Variants in PSMD9 observed in about 807,000 individuals in gnomAD.
PSMD9 encodes 26S proteasome non-ATPase regulatory subunit 9.
In PSMD9, 26 loss-of-function variants were observed where a neutral mutation model predicts 25.9. The ratio of observed to expected loss-of-function variants is 1.00; its 90% confidence interval spans 0.73 to 1.39. The LOEUF (loss-of-function observed/expected upper bound fraction) is 1.39, where lower values mean the gene tolerates loss of function less well. Ranked by LOEUF, PSMD9 falls within the 40% of genes most tolerant of loss-of-function variation. The pLI is 0.00. For missense variants in PSMD9, 303 were observed against 299.3 expected, an observed-to-expected ratio of 1.01 and a Z score of -0.09; for synonymous variants, 110 against 114.5, an observed-to-expected ratio of 0.96 and a Z score of 0.25.
intron 4 of PSMD9, chr12:121,914,718 G>T (rs1052824102): frequency 2.0e-5 from 3 of 151,840 alleles, no homozygotes; most frequent in African/African-American, 4.8e-5. Flanking sequence ...GCTGAGCATG[G>T]TGCTGCATGC....
intron 4 of PSMD9, among the ~76,000 whole-genome samples, chr12:121,904,647 T>TATTATTATTATTATTATG (rs1312108084): frequency 2.4e-4 from 20 of 82,836 alleles, no homozygotes; most frequent in Non-Finnish European, 5.0e-4. Context: ...AATTTATTAT[T>TATTATTATTATTATTATG]ATTATTATTA....
chr12:121,890,595 G>GTAGC (rs1366347714), intron 1 of PSMD9, among the ~76,000 whole-genome samples: 1 of 152,068 alleles, frequency 6.6e-6, no homozygotes, highest in Non-Finnish European at 1.5e-5. Context: ...AGCCTCCCAA[G>GTAGC]TAGCTGAGAC....
At chr12:121,889,604 C>A (rs918462711) in intron 1 of PSMD9, among the ~76,000 whole-genome samples, 1 of 152,160 alleles carries the variant, frequency 6.6e-6, no homozygotes, top group African/African-American at 2.4e-5. Context: ...TTGTTTGAGG[C>A]AAGGGAGCAG....
chr12:121,906,337 A>C (rs1879553055), intron 4 of PSMD9, among the ~76,000 whole-genome samples: 1 of 152,032 alleles, frequency 6.6e-6, no homozygotes, highest in African/African-American at 2.4e-5. Flanking sequence ...CAGCTGGAGA[A>C]TCAAGAATCC....
At chr12:121,902,738 G>C (rs1319767687) in intron 3 of PSMD9, 1 of 411,016 alleles carries the variant, frequency 2.4e-6, no homozygotes, top group Non-Finnish European at 4.6e-6. Flanking sequence ...GGCCTTCACA[G>C]TGTCTGGTAA....
At chr12:121,902,776 C>G in intron 3 of PSMD9, 1 of 475,480 alleles carries the variant, frequency 2.1e-6, no homozygotes, top group Non-Finnish European at 3.9e-6. Context: ...TTGGGCAGAC[C>G]TGGTCATCTT....
intron 4 of PSMD9, among the ~76,000 whole-genome samples, chr12:121,903,752 CTT>C (rs11300031): frequency 2.7e-3 from 337 of 123,482 alleles, no homozygotes; most frequent in East Asian, 5.7e-3. Context: ...GAGATCTTTT[CTT>C]TTTTTTTTTT....
chr12:121,903,487 C>T (rs888182094), intron 4 of PSMD9, among the ~76,000 whole-genome samples: 2 of 152,184 alleles, frequency 1.3e-5, no homozygotes, highest in South Asian at 2.1e-4. Context: ...TCATAGCACT[C>T]GGCCTCTGGT....
At chr12:121,894,080 C>T (rs895199657) in intron 1 of PSMD9, 2 of 152,026 alleles carry the variant, frequency 1.3e-5, no homozygotes, top group East Asian at 3.9e-4. Flanking sequence ...ATTGCAAAGC[C>T]CCTCCCCTGA....
intron 1 of PSMD9, among the ~76,000 whole-genome samples, chr12:121,891,297 T>A (rs1443576585): frequency 2.9e-5 from 3 of 104,164 alleles, no homozygotes; most frequent in Non-Finnish European, 2.0e-5. Flanking sequence ...TGCTGTCTCT[T>A]TAAAAAAAAA....
chr12:121,916,098 A>T, intron 5 of PSMD9, 154 bp downstream of exon 5: 1 of 1,156,634 alleles, frequency 8.6e-7, no homozygotes, highest in Non-Finnish European at 1.3e-6. Flanking sequence ...TAGGAACGAG[A>T]CTACAGCTCT....
intron 1 of PSMD9, among the ~76,000 whole-genome samples, chr12:121,891,409 G>T (rs1879072565): frequency 6.7e-6 from 1 of 149,974 alleles, no homozygotes. Flanking sequence ...GACCATCCTG[G>T]CTAACACAGT....
rs145963867 is a variant in PSMD9 at position 121,899,812 on chromosome 12, C to G, written c.420C>G (p.Asn140Lys). 7.9e-4 allele frequency: 1,273 copies of G among 1,614,056 alleles called. 14 individuals carry two copies. In the East Asian group the frequency reaches 0.026, roughly 33 times the overall value. Residue 140 changes from asparagine to lysine, a missense_variant, in exon 3 of 6, where the codon AAC (asparagine) becomes AAG (lysine). By Grantham distance (94) the Asn-to-Lys change is moderately conservative (BLOSUM62 0). Transcript: ENST00000541212. ...CTCCACGGGCCTTCGCCAAAGTGAACAGCATCAGCCCCGGCTCCCCAGCCA... is the reference window on the plus strand; with the variant it reads ...CTCCACGGGCCTTCGCCAAAGTGAAGAGCATCAGCCCCGGCTCCCCAGCCA... Reference protein sequence around the residue: ...QGPPRAFAKVNSISPGSPASI... With the variant: ...QGPPRAFAKVKSISPGSPASI...
chr12:121,906,273 G>A (rs899066738), intron 4 of PSMD9, among the ~76,000 whole-genome samples: 1 of 152,138 alleles, frequency 6.6e-6, no homozygotes, highest in African/African-American at 2.4e-5. Context: ...AAGGTCGTGT[G>A]TTGTGAGTAG....
At chr12:121,897,023 C>CT (rs1201762835) in intron 2 of PSMD9, among the ~76,000 whole-genome samples, 1 of 151,660 alleles carries the variant, frequency 6.6e-6, no homozygotes, top group Non-Finnish European at 1.5e-5. Flanking sequence ...TGTATATATG[C>CT]AAAATACACA....
intron 4 of PSMD9, among the ~76,000 whole-genome samples, chr12:121,912,907 A>G (rs1213983045): frequency 6.7e-6 from 1 of 148,432 alleles, no homozygotes; most frequent in Non-Finnish European, 1.5e-5. Context: ...AGAAAGGTCT[A>G]TTCAAGTCCT....
At chr12:121,901,393 G>A (rs1473273582) in intron 3 of PSMD9, among the ~76,000 whole-genome samples, 1 of 152,098 alleles carries the variant, frequency 6.6e-6, no homozygotes, top group Non-Finnish European at 1.5e-5. Flanking sequence ...CTCTCACCCA[G>A]ACTTCAGTGC....
chr12:121,891,704 G>A (rs1005729723), intron 1 of PSMD9, among the ~76,000 whole-genome samples: 3 of 151,070 alleles, frequency 2.0e-5, no homozygotes, highest in Non-Finnish European at 4.4e-5. Flanking sequence ...TCAGGAGTCC[G>A]AGACCAGCCT....
intron 4 of PSMD9, among the ~76,000 whole-genome samples, chr12:121,908,677 G>A (rs1237297802): frequency 6.6e-6 from 1 of 152,162 alleles, no homozygotes; most frequent in Non-Finnish European, 1.5e-5. Flanking sequence ...ACTGATAAGT[G>A]TTATGAAGGA....
Sources: gnomAD v4.1 joint callset for allele counts (sites outside exome capture counted in the v4.1 genomes callset) on GRCh38, gnomAD v4.1.1 for gene constraint, MANE v1.5 for transcripts, NCBI Gene and HGNC (gene_info 2026-07-23, HGNC 2026-07-21) for gene names.